SUGCT: variants seen among roughly 807,000 people sequenced by gnomAD.
The protein encoded by SUGCT is succinyl-CoA:glutarate CoA-transferase.
In SUGCT, 41 loss-of-function variants were observed where a neutral mutation model predicts 55.0. The observed-to-expected ratio is 0.74, with a 90% CI of 0.58 to 0.97. The LOEUF is 0.97. Among genes scored for constraint, SUGCT ranks in the 50% least tolerant of loss-of-function variants. SUGCT has a pLI of 0.00. For missense variants in SUGCT, 568 were observed against 547.8 expected (o/e 1.04, Z -0.37); for synonymous variants, 187 against 200.4 (o/e 0.93, Z 0.56).
intron 12 of SUGCT, among the ~76,000 whole-genome samples, chr7:40,526,735 A>T (rs771240343): frequency 2.1e-4 from 32 of 152,128 alleles, no homozygotes; most frequent in Non-Finnish European, 4.4e-4. Context: ...TTGTTTTTGG[A>T]AGCAGCAGAA....
At chr7:40,393,358 A>T (rs1183200854) in intron 9 of SUGCT, among the ~76,000 whole-genome samples, 4 of 152,202 alleles carry the variant, frequency 2.6e-5, no homozygotes, top group Non-Finnish European at 2.9e-5. Context: ...AGGGTTGAAA[A>T]ATGTCCACTA....
At chr7:40,607,266 G>A (rs954192473) in intron 12 of SUGCT, among the ~76,000 whole-genome samples, 1 of 152,036 alleles carries the variant, frequency 6.6e-6, no homozygotes, top group African/African-American at 2.4e-5. Context: ...ACCACACTCA[G>A]CTAATTTTTA....
intron 6 of SUGCT, among the ~76,000 whole-genome samples, chr7:40,234,579 T>A (rs182160558): frequency 1.4e-4 from 21 of 152,350 alleles, no homozygotes; most frequent in Admixed American, 1.3e-4. Flanking sequence ...GAGATAAAAC[T>A]GTAATTTACC....
At chr7:40,761,523 G>T (rs1394267152) in intron 13 of SUGCT, among the ~76,000 whole-genome samples, 2 of 152,146 alleles carry the variant, frequency 1.3e-5, no homozygotes, top group African/African-American at 4.8e-5. Context: ...TGACCCTTTT[G>T]TCAAACAACT....
At chr7:40,913,739 A>G in the SUGCT span, among the ~76,000 whole-genome samples, 7 of 152,174 alleles carry the variant, frequency 4.6e-5, no homozygotes, top group African/African-American at 1.7e-4. Context: ...CAGATCTGCT[A>G]TATGTGTTTT....
intron 12 of SUGCT, among the ~76,000 whole-genome samples, chr7:40,573,015 C>A (rs1052777284): frequency 6.6e-6 from 1 of 152,018 alleles, no homozygotes; most frequent in Admixed American, 6.6e-5. Flanking sequence ...AAAAATGCAC[C>A]CCCCACAATG....
the SUGCT span, among the ~76,000 whole-genome samples, chr7:40,923,066 C>A: frequency 6.6e-6 from 1 of 152,142 alleles, no homozygotes; most frequent in Non-Finnish European, 1.5e-5. Flanking sequence ...CCAGCGCTTT[C>A]AAGATTCAGT....
intron 1 of SUGCT, among the ~76,000 whole-genome samples, chr7:40,161,614 T>C (rs1301824421): frequency 6.6e-6 from 1 of 152,226 alleles, no homozygotes; most frequent in East Asian, 1.9e-4. Flanking sequence ...CGTAGGAGAA[T>C]CACGTCACCA....
chr7:40,487,250 G>GT (rs1167865633), intron 11 of SUGCT, among the ~76,000 whole-genome samples: 593 of 42,900 alleles, frequency 0.014, 81 homozygotes, highest in African/African-American at 0.017. Context: ...ACACCCAGCT[G>GT]TTTTTTTTTT....
chr7:41,027,053 A>C, the SUGCT span, among the ~76,000 whole-genome samples: 844 of 152,326 alleles, frequency 5.5e-3, 4 homozygotes, highest in African/African-American at 0.019. Context: ...CATACTTAAA[A>C]AAAAAGTTTA....
chr7:40,643,683 C>T (rs1193547505), intron 12 of SUGCT, among the ~76,000 whole-genome samples: 3 of 152,156 alleles, frequency 2.0e-5, no homozygotes, highest in Admixed American at 1.3e-4. Context: ...TACAATCTGA[C>T]GATATATGCC....
intron 6 of SUGCT, among the ~76,000 whole-genome samples, chr7:40,195,705 A>ATTTT (rs1236707125): frequency 1.0e-5 from 1 of 100,362 alleles, no homozygotes; most frequent in African/African-American, 3.4e-5. Context: ...GTTGAAAACA[A>ATTTT]TTCTTTTTTT....
At chr7:40,396,822 T>C (rs908250491) in intron 9 of SUGCT, among the ~76,000 whole-genome samples, 2 of 152,162 alleles carry the variant, frequency 1.3e-5, no homozygotes, top group Non-Finnish European at 2.9e-5. Flanking sequence ...TTTTGTAAAA[T>C]ACAAACCATC....
intron 10 of SUGCT, 129 bp downstream of exon 10, chr7:40,449,487 A>G: frequency 1.5e-6 from 1 of 679,508 alleles, no homozygotes; most frequent in Non-Finnish European, 2.7e-6. Context: ...TCATGCGCAT[A>G]AAGGATAAGG....
the SUGCT span, among the ~76,000 whole-genome samples, chr7:40,960,260 C>T: frequency 1.3e-5 from 2 of 152,178 alleles, no homozygotes; most frequent in East Asian, 3.9e-4. Context: ...TGCACACTCT[C>T]CTTCAAAAGC....
intron 13 of SUGCT, among the ~76,000 whole-genome samples, chr7:40,814,927 T>A (rs953766556): frequency 7.9e-5 from 12 of 152,178 alleles, no homozygotes; most frequent in African/African-American, 2.9e-4. Flanking sequence ...GATGTGACTG[T>A]AGAGAATGCT....
At chr7:40,336,983 T>A (rs1339477723) in intron 9 of SUGCT, among the ~76,000 whole-genome samples, 1 of 152,240 alleles carries the variant, frequency 6.6e-6, no homozygotes, top group Admixed American at 6.5e-5. Context: ...AACATCTTTA[T>A]TTCTGCCTTC....
At chr7:40,235,007 T>C (rs1420187944) in intron 6 of SUGCT, among the ~76,000 whole-genome samples, 1 of 152,180 alleles carries the variant, frequency 6.6e-6, no homozygotes, top group Non-Finnish European at 1.5e-5. Context: ...GGAAATAAAA[T>C]TGACCATGAA....
chr7:40,176,992 T>G (rs1784959649), intron 1 of SUGCT, among the ~76,000 whole-genome samples: 1 of 151,976 alleles, frequency 6.6e-6, no homozygotes, highest in South Asian at 2.1e-4. Flanking sequence ...ACTAGCTTTC[T>G]TTCACTACCA....
Sources: allele counts gnomAD v4.1 joint callset (sites outside exome capture counted in the v4.1 genomes callset), GRCh38; gene constraint gnomAD v4.1.1; transcripts MANE v1.5; gene names NCBI Gene and HGNC (gene_info 2026-07-23, HGNC 2026-07-21).